Variants in UVSSA observed in about 807,000 individuals in gnomAD.
UVSSA encodes UV stimulated scaffold protein A, also known as UV-stimulated scaffold protein A.
UVSSA carries 72 observed loss-of-function variants against 73.9 expected under a neutral mutation model. That is an observed-to-expected ratio of 0.97 (90% confidence interval 0.81 to 1.19). The LOEUF is 1.19. Ranked by LOEUF, UVSSA falls within the 50% of genes most tolerant of loss-of-function variation. The probability of loss-of-function intolerance (pLI) is 0.00; values close to 1 mark genes in which losing one functional copy is unlikely to be tolerated. For missense variants in UVSSA, 1,150 were observed against 965.0 expected (o/e 1.19, Z -2.54); for synonymous variants, 454 against 391.3 (o/e 1.16, Z -1.89).
intron 10 of UVSSA, among the ~76,000 whole-genome samples, chr4:1,379,488 C>T (rs1290677385): frequency 6.9e-6 from 1 of 144,194 alleles, no homozygotes; most frequent in Non-Finnish European, 1.5e-5. Flanking sequence ...ACCTGGGACG[C>T]CTGGGAGACC....
In UVSSA at chr4:1,352,480, C is replaced by T. The variant is rs181629606; in HGVS notation, c.551-550C>T. On this transcript the variant is annotated intron_variant, in intron 4 of 13. Coordinates refer to ENST00000389851, the MANE Select transcript of UVSSA (RefSeq NM_020894.4). Reference sequence around the variant, plus strand: ...CTGCCAGGAGGAAAGCTGCTCCGGCCCGGGAGGTGTGGCATGAACGAGGCT... The same window carrying T: ...CTGCCAGGAGGAAAGCTGCTCCGGCTCGGGAGGTGTGGCATGAACGAGGCT... 7.4e-3 allele frequency among the ~76,000 whole-genome samples: 1,127 copies of T among 152,320 alleles called. 5 individuals are homozygous for T. Among genetic ancestry groups the T allele is most frequent in the Non-Finnish European group, 0.013 (870 of 68,024 alleles).
At chr4:1,362,236 C>T (rs1458740030) in intron 7 of UVSSA, among the ~76,000 whole-genome samples, 3 of 152,196 alleles carry the variant, frequency 2.0e-5, no homozygotes, top group Non-Finnish European at 4.4e-5. Flanking sequence ...CCCGCCTCCC[C>T]GCGGTGGCTG....
intron 8 of UVSSA, among the ~76,000 whole-genome samples, chr4:1,369,867 T>C (rs1274318596): frequency 6.6e-6 from 1 of 152,272 alleles, no homozygotes; most frequent in Non-Finnish European, 1.5e-5. Flanking sequence ...GCCAAGATAC[T>C]GGACTCGAGT....
chr4:1,394,338 C>A, exon 14 of UVSSA: 1 of 1,165,830 alleles, frequency 8.6e-7, no homozygotes, highest in Non-Finnish European at 1.2e-6. Flanking sequence ...TTAGAATGCT[C>A]TTCCCCCTTA....
At chr4:1,355,967 G>A (rs1006488258) in intron 7 of UVSSA, among the ~76,000 whole-genome samples, 2 of 152,110 alleles carry the variant, frequency 1.3e-5, no homozygotes, top group African/African-American at 4.8e-5. Context: ...GTGCCTGGAG[G>A]GGCCTGAGAG....
chr4:1,357,471 T>C (rs1014192559), intron 7 of UVSSA, among the ~76,000 whole-genome samples: 2 of 152,164 alleles, frequency 1.3e-5, no homozygotes, highest in Non-Finnish European at 2.9e-5. Flanking sequence ...CCAAGTGGGG[T>C]TGGCTGGTGG....
intron 8 of UVSSA, among the ~76,000 whole-genome samples, chr4:1,373,355 C>T (rs1190595229): frequency 3.3e-5 from 5 of 151,952 alleles, no homozygotes; most frequent in Non-Finnish European, 7.4e-5. Context: ...GAGGCGAGGC[C>T]GTCCCTCCTT....
chr4:1,385,594 G>A (rs1720023623), intron 13 of UVSSA: 3 of 492,702 alleles, frequency 6.1e-6, no homozygotes, highest in Non-Finnish European at 1.1e-5. Context: ...AAGTGCCAAG[G>A]TGGGGCTGGG....
intron 10 of UVSSA, among the ~76,000 whole-genome samples, chr4:1,379,440 C>G (rs1041995016): frequency 7.9e-5 from 12 of 152,224 alleles, no homozygotes; most frequent in Admixed American, 2.0e-4. Context: ...GCGTCCCTAA[C>G]CAGGTTGATG....
chr4:1,361,828 A>G (rs1340140122), intron 7 of UVSSA, among the ~76,000 whole-genome samples: 3 of 151,662 alleles, frequency 2.0e-5, no homozygotes, highest in African/African-American at 7.3e-5. Context: ...TTTGGAACTC[A>G]CTTGTCTGAC....
exon 14 of UVSSA, chr4:1,394,838 G>C (rs553323873): frequency 4.6e-6 from 5 of 1,098,710 alleles, no homozygotes; most frequent in African/African-American, 3.6e-5. Context: ...GCCTGCTCAC[G>C]TGCCCATGTG....
Position 1,375,514 on chromosome 4 carries a change from TCCCA to T in UVSSA, c.1433+7_1433+10del, listed in dbSNP as rs770559783. On this transcript the variant is annotated splice_region_variant and intron_variant, in intron 9 of 13. Transcript: ENST00000389851. Reference sequence around the variant, plus strand: ...CCTCCACCCTCATCTGCCAGGTGACTCCCAGTGTCCTGTGTGCTGAGCCCCCTGC... The same window carrying T: ...CCTCCACCCTCATCTGCCAGGTGACTGTGTCCTGTGTGCTGAGCCCCCTGC... 1 of 1,607,836 alleles carries T rather than the reference TCCCA, an allele frequency of 6.2e-7. No homozygotes were observed. Among genetic ancestry groups the T allele is most frequent in the African/African-American group, 1.3e-5 (1 of 74,894 alleles).
intron 7 of UVSSA, chr4:1,357,050 C>T (rs534460127): frequency 6.6e-6 from 1 of 152,454 alleles, no homozygotes; most frequent in African/African-American, 2.4e-5. Context: ...TCTCATCAGG[C>T]CTGGGCCCCT....
chr4:1,385,602 G>A (rs935554251), intron 13 of UVSSA: 2 of 507,328 alleles, frequency 3.9e-6, no homozygotes, highest in African/African-American at 1.9e-5. Flanking sequence ...AGGTGGGGCT[G>A]GGGCCACCTT....
upstream of UVSSA, among the ~76,000 whole-genome samples, chr4:1,345,157 C>T (rs527759149): frequency 6.6e-5 from 10 of 152,160 alleles, no homozygotes; most frequent in South Asian, 8.3e-4. Context: ...GACAAGGTGA[C>T]GGCAGTGACC....
At chr4:1,378,124 C>G (rs1718996437) in intron 10 of UVSSA, among the ~76,000 whole-genome samples, 2 of 152,186 alleles carry the variant, frequency 1.3e-5, no homozygotes, top group Admixed American at 1.3e-4. Flanking sequence ...CTGGGCTCGC[C>G]CCTTTCATCC....
chr4:1,348,107 T>C lies in UVSSA; in HGVS notation c.16T>C (p.Ser6Pro), dbSNP rs1319657956. ...ATTTCTAGATATGGATCAGAAACTT[T>C]CGAAGTTGGTAGAAGAGCTCACAAC... MDQKL[S>P]KLVEELTTSG... The change falls in exon 2 of 14, where the codon TCG becomes CCG. Residue 6 changes from serine (S) to proline (P), a missense_variant. Physicochemically the swap from Ser to Pro is moderately conservative, Grantham distance 74. Coordinates refer to ENST00000389851, the MANE Select transcript of UVSSA (RefSeq NM_020894.4). The C allele has an allele frequency of 6.2e-7, 1 of 1,613,674 alleles. No homozygotes were observed. The highest frequency in any genetic ancestry group is 8.5e-7 in the Non-Finnish European group (1 of 1,179,770).
exon 14 of UVSSA, chr4:1,394,070 C>A: frequency 3.5e-6 from 1 of 289,830 alleles, no homozygotes; most frequent in Non-Finnish European, 6.6e-6. Context: ...CAGCAGGCAG[C>A]TGCCAACTGT....
upstream of UVSSA, among the ~76,000 whole-genome samples, chr4:1,343,949 C>T (rs1713518248): frequency 6.6e-6 from 1 of 152,110 alleles, no homozygotes; most frequent in Admixed American, 6.5e-5. Context: ...TACATCACCT[C>T]AGTTTTTAAA....
Sources: allele counts gnomAD v4.1 joint callset (sites outside exome capture counted in the v4.1 genomes callset), GRCh38; gene constraint gnomAD v4.1.1; transcripts MANE v1.5; gene names NCBI Gene and HGNC (gene_info 2026-07-23, HGNC 2026-07-21).